MS4A4E: variants seen among roughly 807,000 people sequenced by gnomAD.
MS4A4E encodes the protein membrane spanning 4-domains A4E.
MS4A4E carries 23 observed loss-of-function variants against 13.3 expected under a neutral mutation model. The ratio of observed to expected loss-of-function variants is 1.73; its 90% confidence interval spans 1.25 to 2.45. MS4A4E has a LOEUF of 2.45. MS4A4E is among the 30% of genes most tolerant of loss of function. The pLI, the probability that MS4A4E is intolerant of heterozygous loss-of-function variation, is 0.00. For synonymous variants in MS4A4E, 36 were observed against 45.6 expected (o/e 0.79, Z 0.85); for missense variants, 144 against 131.2 (o/e 1.10, Z -0.48).
intron 1 of MS4A4E, among the ~76,000 whole-genome samples, chr11:60,241,549 T>C (rs556911771): frequency 6.6e-6 from 1 of 152,284 alleles, no homozygotes; most frequent in East Asian, 1.9e-4. Context: ...GTAACATAGG[T>C]CAGGTTCTGG....
chr11:60,229,385 AG>A (rs2084379786), intron 2 of MS4A4E, among the ~76,000 whole-genome samples: 1 of 152,218 alleles, frequency 6.6e-6, no homozygotes, highest in African/African-American at 2.4e-5. Flanking sequence ...AGCTTGGGCT[AG>A]TGATAAACCT....
chr11:60,228,367 G>C (rs1408873836), intron 3 of MS4A4E, among the ~76,000 whole-genome samples: 2 of 151,976 alleles, frequency 1.3e-5, no homozygotes, highest in Non-Finnish European at 2.9e-5. Flanking sequence ...ATGTCACCAG[G>C]GAAATGAAAA....
chr11:60,222,639 C>A (rs1169224927), intron 3 of MS4A4E, among the ~76,000 whole-genome samples: 5 of 152,112 alleles, frequency 3.3e-5, no homozygotes, highest in Non-Finnish European at 7.3e-5. Flanking sequence ...GACCTACCAG[C>A]AAAATTTTTG....
chr11:60,241,389 G>A (rs1373285397), intron 1 of MS4A4E, among the ~76,000 whole-genome samples: 2 of 152,170 alleles, frequency 1.3e-5, no homozygotes, highest in East Asian at 1.9e-4. Flanking sequence ...GAGAATTTAG[G>A]ACATGTTGGG....
intron 2 of MS4A4E, among the ~76,000 whole-genome samples, chr11:60,228,829 G>A (rs527397921): frequency 9.0e-4 from 137 of 152,284 alleles, no homozygotes; most frequent in African/African-American, 3.2e-3. Context: ...GTGAAGGAAG[G>A]CAGTCTTTAA....
chr11:60,207,986 C>G (rs2084069372), intron 6 of MS4A4E, among the ~76,000 whole-genome samples: 1 of 152,088 alleles, frequency 6.6e-6, no homozygotes, highest in Non-Finnish European at 1.5e-5. Context: ...CTTTTGGGGA[C>G]CTCTTCATTG....
At chr11:60,229,797 A>G in intron 2 of MS4A4E, 115 bp downstream of exon 2, 1 of 1,005,078 alleles carries the variant, frequency 9.9e-7, no homozygotes, top group South Asian at 1.7e-5. Flanking sequence ...TTCTGATGTT[A>G]CTAGGGCTGG....
chr11:60,225,589 C>T (rs2084330891), intron 3 of MS4A4E, among the ~76,000 whole-genome samples: 1 of 152,152 alleles, frequency 6.6e-6, no homozygotes, highest in South Asian at 2.1e-4. Flanking sequence ...GTACAATTAT[C>T]TCATGGCATT....
At chr11:60,233,510 C>A (rs1053956358) in intron 1 of MS4A4E, among the ~76,000 whole-genome samples, 1 of 152,184 alleles carries the variant, frequency 6.6e-6, no homozygotes, top group Non-Finnish European at 1.5e-5. Context: ...GGTGAGTGAA[C>A]CTGTGCCATA....
intron 1 of MS4A4E, among the ~76,000 whole-genome samples, chr11:60,235,236 G>T (rs1221579007): frequency 6.6e-6 from 1 of 152,126 alleles, no homozygotes; most frequent in Non-Finnish European, 1.5e-5. Context: ...GGGATTACAG[G>T]TGCACACCAG....
At chr11:60,235,745 A>C (rs2084474828) in intron 1 of MS4A4E, among the ~76,000 whole-genome samples, 2 of 152,146 alleles carry the variant, frequency 1.3e-5, no homozygotes, top group Non-Finnish European at 2.9e-5. Context: ...AGTTTAACAA[A>C]ATTGGAAGGT....
chr11:60,241,303 C>T (rs1386001454), intron 1 of MS4A4E, among the ~76,000 whole-genome samples: 1 of 152,162 alleles, frequency 6.6e-6, no homozygotes, highest in African/African-American at 2.4e-5. Flanking sequence ...GAATTACAGG[C>T]GTGAGCCACC....
rs540184102 is a variant in MS4A4E at position 60,200,716 on chromosome 11, C to T, written c.*827G>A. Among the ~76,000 whole-genome samples, 13 of 152,368 alleles carry T rather than the reference C, an allele frequency of 8.5e-5. No homozygotes were observed. The South Asian group carries it at 2.5e-3, about 29-fold the overall frequency. Reference sequence around the variant, plus strand: ...TTTCCACACAGACAAGGCAACCATCCGATTTCTCAATCTTTTCCCCACCTT... The same window carrying T: ...TTTCCACACAGACAAGGCAACCATCTGATTTCTCAATCTTTTCCCCACCTT... On this transcript the variant is annotated 3_prime_UTR_variant, in exon 9 of 9. Coordinates refer to ENST00000651255, the MANE Select transcript of MS4A4E (RefSeq NM_001393391.1).
At chr11:60,234,286 G>A (rs1377619043) in intron 1 of MS4A4E, among the ~76,000 whole-genome samples, 2 of 152,172 alleles carry the variant, frequency 1.3e-5, no homozygotes, top group Non-Finnish European at 2.9e-5. Flanking sequence ...TGAGGCTATT[G>A]AAACAGAATT....
intron 3 of MS4A4E, among the ~76,000 whole-genome samples, chr11:60,226,618 A>G (rs2084348206): frequency 6.6e-6 from 1 of 152,216 alleles, no homozygotes; most frequent in African/African-American, 2.4e-5. Flanking sequence ...TTGAAAAACT[A>G]TTAATAGAGG....
At chr11:60,214,691 G>T (rs1408178138) in intron 3 of MS4A4E, 77 bp from the exon 4 acceptor site, 20 of 936,082 alleles carry the variant, frequency 2.1e-5, no homozygotes, top group Non-Finnish European at 3.2e-5. Flanking sequence ...TCACAACTTA[G>T]TAAACTTTAT....
At chr11:60,242,925 C>T (rs888426761) in intron 1 of MS4A4E, 33 bp downstream of exon 1, 19 of 1,504,320 alleles carry the variant, frequency 1.3e-5, no homozygotes, top group Middle Eastern at 2.2e-4. Context: ...ACTATCAGTC[C>T]GAGAGCCTAG....
At chr11:60,229,646 A>G (rs1003355470) in intron 2 of MS4A4E, among the ~76,000 whole-genome samples, 9 of 152,320 alleles carry the variant, frequency 5.9e-5, no homozygotes, top group African/African-American at 2.2e-4. Context: ...GTTCTTCTAT[A>G]TTGAAGTTAA....
At chr11:60,213,517 G>A (rs747579416) in intron 4 of MS4A4E, among the ~76,000 whole-genome samples, 25 of 151,882 alleles carry the variant, frequency 1.6e-4, no homozygotes, top group Non-Finnish European at 2.9e-4. Flanking sequence ...TATTTTTCTC[G>A]GTTGTGTATT....
Sources: allele counts gnomAD v4.1 joint callset (sites outside exome capture counted in the v4.1 genomes callset), GRCh38; gene constraint gnomAD v4.1.1; transcripts MANE v1.5; gene names NCBI Gene and HGNC (gene_info 2026-07-23, HGNC 2026-07-21).